NOTCH2: variants seen among roughly 807,000 people sequenced by gnomAD.
NOTCH2 encodes notch receptor 2, also known as neurogenic locus notch homolog protein 2.
Under a neutral mutation model 235.8 loss-of-function variants are expected in NOTCH2, and 29 were observed. That is an observed-to-expected ratio of 0.12 (90% confidence interval 0.09 to 0.17). The LOEUF is 0.17. NOTCH2 is among the 10% of genes least tolerant of loss of function. NOTCH2 has a pLI of 1.00. For missense variants in NOTCH2, 2,285 were observed against 3,150.2 expected (o/e 0.73, Z 6.57); for synonymous variants, 1,086 against 1,141.5 (o/e 0.95, Z 0.98).
chr1:119,967,677 T>A, intron 7 of NOTCH2, 56 bp from the exon 8 acceptor site: 1 of 1,481,950 alleles, frequency 6.7e-7, no homozygotes, highest in Non-Finnish European at 9.4e-7. Context: ...TCCACAAATG[T>A]GAACAATAGA....
At chr1:119,970,099 G>C (rs1272996773) in intron 5 of NOTCH2, among the ~76,000 whole-genome samples, 1 of 152,068 alleles carries the variant, frequency 6.6e-6, no homozygotes, top group Non-Finnish European at 1.5e-5. Context: ...ATAAAAATGA[G>C]TAAGAAAAAA....
chr1:120,069,079 C>T lies in NOTCH2; in HGVS notation c.73+255G>A, dbSNP rs1292329424. ...AGTTTCTGAGACTTGCTGCCGGCCT[C>T]CCTCCTGCCGAGGAGGCGTGTAAGG... On this transcript the variant is annotated intron_variant, in intron 1 of 33. Coordinates refer to ENST00000256646, the MANE Select transcript of NOTCH2 (RefSeq NM_024408.4). 37 of 1,493,924 alleles carry T rather than the reference C, an allele frequency of 2.5e-5. 2 individuals carry two copies. The African/African-American group carries it at 3.6e-4, about 15-fold the overall frequency. The allele number at this position is 1,493,924 out of a possible 1,614,324, so 92.5% of individuals were successfully genotyped here.
intron 5 of NOTCH2, among the ~76,000 whole-genome samples, chr1:119,970,463 T>C (rs1651317952): frequency 6.6e-6 from 1 of 152,160 alleles, no homozygotes; most frequent in Admixed American, 6.6e-5. Context: ...GCACCCATAC[T>C]TAAAGGATGG....
At chr1:120,010,212 T>A (rs1553206748) in intron 2 of NOTCH2, among the ~76,000 whole-genome samples, 1 of 152,028 alleles carries the variant, frequency 6.6e-6, no homozygotes, top group East Asian at 1.9e-4. Context: ...TCCTTTTTGA[T>A]ACAAATTCTG....
chr1:120,010,722 C>T (rs1738675), intron 2 of NOTCH2, among the ~76,000 whole-genome samples: 4 of 152,346 alleles, frequency 2.6e-5, no homozygotes, highest in South Asian at 2.1e-4. Flanking sequence ...GTGGGTGGAT[C>T]CCACTGTGAG....
At chr1:120,007,675 AGAGT>A (rs1653035376) in intron 2 of NOTCH2, among the ~76,000 whole-genome samples, 2 of 152,182 alleles carry the variant, frequency 1.3e-5, no homozygotes, top group Middle Eastern at 3.4e-3. Flanking sequence ...CCTGGGCAAC[AGAGT>A]GAGATTCCAT....
chr1:119,976,221 G>A (rs1553200935), intron 5 of NOTCH2: 1 of 152,058 alleles, frequency 6.6e-6, no homozygotes, highest in South Asian at 2.1e-4. Context: ...AAGCCCCTGA[G>A]TTCTGGAGTT....
chr1:120,042,722 G>A (rs1437496853), intron 1 of NOTCH2, among the ~76,000 whole-genome samples: 7 of 151,126 alleles, frequency 4.6e-5, no homozygotes, highest in Non-Finnish European at 1.0e-4. Context: ...CTTTGGCTAT[G>A]AGCCTAAATA....
At chr1:120,034,281 A>G (rs1208973539) in intron 1 of NOTCH2, among the ~76,000 whole-genome samples, 2 of 148,324 alleles carry the variant, frequency 1.3e-5, no homozygotes, top group African/African-American at 5.1e-5. Context: ...GCTGAAATAA[A>G]TCTTATTTAC....
intron 26 of NOTCH2, 40 bp from the exon 27 acceptor site, chr1:119,922,818 G>C: frequency 6.2e-7 from 1 of 1,612,748 alleles, no homozygotes; most frequent in Non-Finnish European, 8.5e-7. Flanking sequence ...GGAGAGATGG[G>C]GGTAAAACAG....
At chr1:119,950,428 C>T (rs1205341608) in intron 15 of NOTCH2, 23 of 547,580 alleles carry the variant, frequency 4.2e-5, no homozygotes, top group Non-Finnish European at 5.6e-5. Context: ...TGGAAACATT[C>T]AAATGATAGA....
intron 3 of NOTCH2, among the ~76,000 whole-genome samples, chr1:120,000,160 G>C (rs1411282267): frequency 3.3e-5 from 5 of 151,860 alleles, no homozygotes; most frequent in Admixed American, 6.6e-5. Context: ...CTGAGGTATA[G>C]TGCTATCACA....
Position 119,966,476 on chromosome 1 carries a change from C to T in NOTCH2, c.1467G>A (p.Val489=). The T allele has an allele frequency of 3.1e-6, 5 of 1,612,790 alleles. No homozygotes were observed. Among genetic ancestry groups the T allele is most frequent in the Non-Finnish European group, 4.2e-6 (5 of 1,178,812 alleles). The stretch of plus-strand genomic sequence containing the variant: ...ATTCATTTATTTCTAATTCACAATG[C>T]ACACCTTTGAAACCTAAACAAAACA... ...TCLCMPGFKG[V]HCELEINECQ... The change falls in exon 9 of 34, where the codon GTG becomes GTA. Residue 489 remains valine (V), a synonymous_variant. Transcript: ENST00000256646.
At chr1:120,011,661 T>C (rs1347964957) in intron 2 of NOTCH2, among the ~76,000 whole-genome samples, 2 of 152,086 alleles carry the variant, frequency 1.3e-5, no homozygotes, top group Non-Finnish European at 2.9e-5. Context: ...TATTACTCGC[T>C]CCAGTGCTAT....
At chr1:119,929,360 C>T (rs1649578445) in intron 22 of NOTCH2, 148 bp from the exon 23 acceptor site, 2 of 713,144 alleles carry the variant, frequency 2.8e-6, no homozygotes, top group Non-Finnish European at 2.5e-6. Flanking sequence ...CAGGGCAAAG[C>T]ACACTCTTTA....
In NOTCH2 at chr1:119,916,143, G is replaced by A; in HGVS notation, c.6579C>T (p.Val2193=). 1.2e-6 allele frequency: 2 copies of A among 1,614,196 alleles called. No individual in the cohort carries two copies. Among genetic ancestry groups the A allele is most frequent in the Non-Finnish European group, 1.7e-6 (2 of 1,180,010 alleles). ...AAAAAGATAGTGCATGCTGGGCATG[G>A]ACTGGGGCAGGAGGGGCGGCAGTGG... ...MLATAAPPAP[V]HAQHALSFSN... Residue 2193 remains valine, a synonymous_variant, in exon 34 of 34, where the codon GTC becomes GTT. Transcript: ENST00000256646.
rs71246345 is a variant in NOTCH2, at chr1:119,997,158, G to T, written c.590C>A (p.Thr197Asn). Residue 197 changes from threonine (T) to asparagine (N), a missense_variant, in exon 4 of 34, where the codon ACC becomes AAC. By Grantham distance (65) the Thr-to-Asn change is moderately conservative. Coordinates refer to ENST00000256646, the MANE Select transcript of NOTCH2 (RefSeq NM_024408.4). ...DIPGHCQHGG[T>N]CLNLPGSYQC... ...GTAGGAACCAGGCAGGTTGAGGCAG[G>T]TGCCACCATGCTGGCAGTGTCCTGG... 6.2e-7 allele frequency: 1 copy of T among 1,613,884 alleles called. No homozygotes were observed. Among genetic ancestry groups the T allele is most frequent in the Non-Finnish European group, 8.5e-7 (1 of 1,179,872 alleles).
intron 19 of NOTCH2, among the ~76,000 whole-genome samples, chr1:119,939,448 T>A (rs1364445563): frequency 6.6e-6 from 1 of 152,252 alleles, no homozygotes; most frequent in African/African-American, 2.4e-5. Flanking sequence ...TCTGTGCTAA[T>A]CCTGTGTGAG....
rs2493409 is a variant in NOTCH2 at position 119,969,481 on chromosome 1, T to C, written c.1108+30A>G. 1,591,226 of 1,598,066 alleles carry C rather than the reference T, an allele frequency of 1. 792,443 individuals carry two copies. Among genetic ancestry groups the C allele is most frequent in the East Asian group, 1 (44,408 of 44,412 alleles). On this transcript the variant is annotated intron_variant, in intron 6 of 33. Coordinates refer to ENST00000256646, the MANE Select transcript of NOTCH2 (RefSeq NM_024408.4). ...TCCTGAATGCCCCCTGCCCCTTCCC[T>C]GTTTCTAGATCCGTCCTTCTGCTAC... is the stretch of plus-strand genomic sequence containing the variant.
Sources: gnomAD v4.1 joint callset for allele counts (sites outside exome capture counted in the v4.1 genomes callset) on GRCh38, gnomAD v4.1.1 for gene constraint, MANE v1.5 for transcripts, NCBI Gene and HGNC (gene_info 2026-07-23, HGNC 2026-07-21) for gene names.